The following EPHB1 variants were observed in gnomAD, a reference collection of about 807,000 sequenced individuals.
The protein encoded by EPHB1 is EPH receptor B1, also known as ephrin type-B receptor 1.
In EPHB1, 30 loss-of-function variants were observed where a neutral mutation model predicts 94.4. The ratio of observed to expected loss-of-function variants is 0.32; its 90% CI spans 0.24 to 0.43. The LOEUF (loss-of-function observed/expected upper bound fraction) is 0.43, where lower values mean the gene tolerates loss of function less well. Ranked by LOEUF, EPHB1 falls within the 20% of genes least tolerant of loss-of-function variation. The probability of loss-of-function intolerance (pLI) is 1.00; values close to 1 mark genes in which losing one functional copy is unlikely to be tolerated. For missense variants in EPHB1, 1,055 were observed against 1,308.3 expected, an observed-to-expected ratio of 0.81 and a Z score of 2.99; for synonymous variants, 522 against 489.1, an observed-to-expected ratio of 1.07 and a Z score of -0.89.
intron 10 of EPHB1, among the ~76,000 whole-genome samples, chr3:135,180,547 A>G (rs1048158479): frequency 3.9e-4 from 60 of 152,176 alleles, no homozygotes; most frequent in Non-Finnish European, 8.8e-5. Context: ...TGGTAACAAC[A>G]CAAGACGAAT....
intron 3 of EPHB1, among the ~76,000 whole-genome samples, chr3:135,098,309 T>C (rs1938883627): frequency 6.6e-6 from 1 of 151,598 alleles, no homozygotes; most frequent in Non-Finnish European, 1.5e-5. Flanking sequence ...TCCCAGATTT[T>C]ATTTTCCATT....
At chr3:135,115,747 A>G (rs1939671857) in intron 4 of EPHB1, among the ~76,000 whole-genome samples, 1 of 151,998 alleles carries the variant, frequency 6.6e-6, no homozygotes, top group Non-Finnish European at 1.5e-5. Context: ...CTCTATTTTT[A>G]TGTCCCCCAG....
At chr3:135,134,842 T>C (rs959333142) in intron 5 of EPHB1, among the ~76,000 whole-genome samples, 1 of 152,148 alleles carries the variant, frequency 6.6e-6, no homozygotes, top group Non-Finnish European at 1.5e-5. Context: ...TCTCTCTCTC[T>C]AAGCATGTGC....
At chr3:135,025,100 TCC>T (rs1440521598) in intron 3 of EPHB1, among the ~76,000 whole-genome samples, 1 of 114,956 alleles carries the variant, frequency 8.7e-6, no homozygotes, top group Non-Finnish European at 2.1e-5. Flanking sequence ...CTTCCTTCCT[TCC>T]CTCCCTCCCT....
intron 3 of EPHB1, among the ~76,000 whole-genome samples, chr3:135,032,474 C>G (rs1379005767): frequency 1.3e-5 from 2 of 152,080 alleles, no homozygotes; most frequent in Non-Finnish European, 1.5e-5. Flanking sequence ...CTTCAATTAT[C>G]TGCTTTGCTT....
chr3:134,928,705 T>C (rs1056114823), intron 2 of EPHB1, among the ~76,000 whole-genome samples: 2 of 152,156 alleles, frequency 1.3e-5, no homozygotes, highest in Non-Finnish European at 2.9e-5. Context: ...CGGCCGCATG[T>C]CAGTGAGATG....
At chr3:135,256,445 C>T (rs949357823) in intron 15 of EPHB1, among the ~76,000 whole-genome samples, 2 of 152,140 alleles carry the variant, frequency 1.3e-5, no homozygotes, top group Admixed American at 6.5e-5. Context: ...ATTTGCTTGT[C>T]TGTAAAGTAT....
chr3:134,802,208 G>A lies in EPHB1; in HGVS notation c.58+6519G>A, dbSNP rs182889807. Among the ~76,000 whole-genome samples, 73 of 152,108 alleles carry A rather than the reference G, an allele frequency of 4.8e-4. 1 individual carries two copies. The highest frequency in any genetic ancestry group is 1.7e-3 in the African/African-American group (71 of 41,490). On this transcript the variant is annotated intron_variant, in intron 1 of 15. Coordinates refer to ENST00000398015, the MANE Select transcript of EPHB1 (RefSeq NM_004441.5). ...TCCCAGCACTTTGGGAGGCTGAGGCGGGCGGATCACGAGGTCAGGAGATTG... is the reference window on the plus strand; with the variant it reads ...TCCCAGCACTTTGGGAGGCTGAGGCAGGCGGATCACGAGGTCAGGAGATTG...
At chr3:134,899,623 A>G (rs2038158853) in intron 1 of EPHB1, among the ~76,000 whole-genome samples, 1 of 152,016 alleles carries the variant, frequency 6.6e-6, no homozygotes, top group Non-Finnish European at 1.5e-5. Context: ...ACCACTCAAA[A>G]CACACTCTTA....
At chr3:135,245,232 G>C (rs536514158) in intron 13 of EPHB1, among the ~76,000 whole-genome samples, 2 of 152,222 alleles carry the variant, frequency 1.3e-5, no homozygotes, top group South Asian at 4.2e-4. Flanking sequence ...GCATCACTTC[G>C]GTGTCATTTA....
chr3:134,822,153 C>T lies in EPHB1; in HGVS notation c.58+26464C>T, dbSNP rs112888475. On this transcript the variant is annotated intron_variant, in intron 1 of 15. Coordinates refer to ENST00000398015, the MANE Select transcript of EPHB1 (RefSeq NM_004441.5). ...GAGTGCCATAGCTGGCAAAGACGTCCCCTTCCCTCTGCTTGACCACTGCCT... is the reference window on the plus strand; with the variant it reads ...GAGTGCCATAGCTGGCAAAGACGTCTCCTTCCCTCTGCTTGACCACTGCCT... 3.4e-3 allele frequency among the ~76,000 whole-genome samples: 511 copies of T among 152,290 alleles called. 3 individuals carry two copies. The highest frequency in any genetic ancestry group is 0.012 in the African/African-American group (491 of 41,548).
chr3:135,205,592 G>A (rs910972553), intron 12 of EPHB1, among the ~76,000 whole-genome samples: 2 of 152,140 alleles, frequency 1.3e-5, no homozygotes, highest in African/African-American at 2.4e-5. Context: ...CCTGTGAAAT[G>A]TATTTATTTT....
At chr3:134,925,287 G>C (rs935839555) in intron 1 of EPHB1, among the ~76,000 whole-genome samples, 35 of 152,188 alleles carry the variant, frequency 2.3e-4, no homozygotes, top group African/African-American at 8.4e-4. Context: ...GTTACCCAAG[G>C]GTGTCAATAT....
At chr3:134,931,495 A>G (rs994489112) in intron 2 of EPHB1, among the ~76,000 whole-genome samples, 4 of 152,186 alleles carry the variant, frequency 2.6e-5, no homozygotes, top group Admixed American at 6.5e-5. Flanking sequence ...CTTACTTTCA[A>G]AAAAGTGCTG....
chr3:135,184,284 G>A (rs537309837), intron 10 of EPHB1, among the ~76,000 whole-genome samples: 6 of 152,264 alleles, frequency 3.9e-5, no homozygotes, highest in East Asian at 3.9e-4. Context: ...GAAGACCCAC[G>A]GAGGGAAAGT....
At chr3:134,798,667 A>T (rs1011005620) in intron 1 of EPHB1, among the ~76,000 whole-genome samples, 9 of 152,106 alleles carry the variant, frequency 5.9e-5, no homozygotes, top group African/African-American at 1.9e-4. Flanking sequence ...CGTCCTGACA[A>T]ACAACTGCCT....
At chr3:134,924,200 T>G (rs1020299602) in intron 1 of EPHB1, among the ~76,000 whole-genome samples, 2 of 152,228 alleles carry the variant, frequency 1.3e-5, no homozygotes, top group Non-Finnish European at 2.9e-5. Flanking sequence ...GCAAAGATTT[T>G]TCAGACACAG....
chr3:134,830,879 G>A (rs2036569749), intron 1 of EPHB1, among the ~76,000 whole-genome samples: 1 of 152,164 alleles, frequency 6.6e-6, no homozygotes, highest in African/African-American at 2.4e-5. Flanking sequence ...GCTACAGACT[G>A]AGTCAAGAAA....
intron 1 of EPHB1, among the ~76,000 whole-genome samples, chr3:134,797,695 C>T (rs1463418119): frequency 6.6e-6 from 1 of 152,190 alleles, no homozygotes; most frequent in Non-Finnish European, 1.5e-5. Flanking sequence ...CCGCGGGTGC[C>T]ATTGTGTCAG....
Sources: gnomAD v4.1 joint callset for allele counts (sites outside exome capture counted in the v4.1 genomes callset) on GRCh38, gnomAD v4.1.1 for gene constraint, MANE v1.5 for transcripts, NCBI Gene and HGNC (gene_info 2026-07-23, HGNC 2026-07-21) for gene names.